The following LZTS1 variants were observed in gnomAD, a reference collection of about 807,000 sequenced individuals.
LZTS1 encodes leucine zipper tumor suppressor 1.
In LZTS1, 31 loss-of-function variants were observed where a neutral mutation model predicts 45.8. The ratio of observed to expected loss-of-function variants is 0.68; its 90% CI spans 0.51 to 0.91. The LOEUF is 0.91. Among genes scored for constraint, LZTS1 ranks in the 40% least tolerant of loss-of-function variants. The probability of loss-of-function intolerance (pLI) is 0.00; values close to 1 mark genes in which losing one functional copy is unlikely to be tolerated. For missense variants in LZTS1, 821 were observed against 788.9 expected (o/e 1.04, Z -0.49); for synonymous variants, 359 against 357.3 (o/e 1.00, Z -0.05).
chr8:20,293,135 G>T (rs1585303850), intron 1 of LZTS1, among the ~76,000 whole-genome samples: 2 of 152,114 alleles, frequency 1.3e-5, no homozygotes, highest in East Asian at 1.9e-4. Flanking sequence ...TCTAATAATG[G>T]TATTTCTAGA....
At chr8:20,293,956 TAAAAAGA>T (rs1255162908) in intron 1 of LZTS1, among the ~76,000 whole-genome samples, 1 of 151,494 alleles carries the variant, frequency 6.6e-6, no homozygotes, top group Non-Finnish European at 1.5e-5. Flanking sequence ...ATAAATAAAA[TAAAAAGA>T]AAAAAGAAAA....
chr8:20,251,571 G>C (rs779730135), intron 3 of LZTS1, among the ~76,000 whole-genome samples: 9 of 152,188 alleles, frequency 5.9e-5, no homozygotes, highest in Non-Finnish European at 1.0e-4. Flanking sequence ...CCAAGATCCA[G>C]AGACACATGG....
chr8:20,297,698 G>A (rs1001000257), intron 1 of LZTS1, among the ~76,000 whole-genome samples: 7 of 152,172 alleles, frequency 4.6e-5, no homozygotes, highest in Admixed American at 4.6e-4. Flanking sequence ...TTACAGGCAT[G>A]AGCCATCACG....
At chr8:20,278,821 G>T (rs966407182) in intron 1 of LZTS1, among the ~76,000 whole-genome samples, 3 of 152,074 alleles carry the variant, frequency 2.0e-5, no homozygotes, top group African/African-American at 7.3e-5. Context: ...CTAAAACACA[G>T]ACTTGACAGC....
At position 20,275,324 on chromosome 8, in the gene LZTS1, C is replaced by T. The variant is rs573828767; in HGVS notation, c.-134-20009G>A. On this transcript the variant is annotated intron_variant, in intron 1 of 3. Coordinates refer to ENST00000381569, the MANE Select transcript of LZTS1 (RefSeq NM_021020.5). ...TGCTGAGGCAGGAGAATCACTTGAA[C>T]CCGGGAGGCAGAGGTTGCAGTAAGC... 1.9e-3 allele frequency among the ~76,000 whole-genome samples: 269 copies of T among 139,112 alleles called. 2 individuals carry two copies. The highest frequency in any genetic ancestry group is 6.7e-3 in the African/African-American group (250 of 37,546). 91.3% of individuals were successfully genotyped at this position (139,112 alleles called of 152,430 possible).
chr8:20,265,262 C>G (rs1800323918), intron 1 of LZTS1, among the ~76,000 whole-genome samples: 1 of 152,154 alleles, frequency 6.6e-6, no homozygotes, highest in Non-Finnish European at 1.5e-5. Context: ...TCTGTGCAAC[C>G]TGGAGCACTT....
chr8:20,253,199 C>T lies in LZTS1; in HGVS notation c.732G>A (p.Lys244=), dbSNP rs372820162. The T allele has an allele frequency of 1.9e-6, 3 of 1,613,638 alleles. No homozygotes were observed. Among genetic ancestry groups the T allele is most frequent in the Non-Finnish European group, 1.7e-6 (2 of 1,180,052 alleles). ...DGGSKLGHSN[K]ADKGPSCVRS... is the part of the protein sequence containing the mutation. Reference sequence around the variant, plus strand: ...GGACACACGAGGGGCCCTTGTCTGCCTTGTTCGAGTGGCCCAGCTTGCTAC... The same window carrying T: ...GGACACACGAGGGGCCCTTGTCTGCTTTGTTCGAGTGGCCCAGCTTGCTAC... The change falls in exon 3 of 4, where the codon AAG becomes AAA. Residue 244 remains lysine (K), a synonymous_variant. Transcript: ENST00000381569.
At chr8:20,299,614 T>C (rs924333223) in intron 1 of LZTS1, among the ~76,000 whole-genome samples, 1 of 152,228 alleles carries the variant, frequency 6.6e-6, no homozygotes, top group East Asian at 1.9e-4. Flanking sequence ...TGATCAATGA[T>C]CTTTAAAAGA....
intron 1 of LZTS1, among the ~76,000 whole-genome samples, chr8:20,260,264 T>A (rs1172872675): frequency 6.6e-6 from 1 of 152,232 alleles, no homozygotes; most frequent in Non-Finnish European, 1.5e-5. Context: ...AGTCTCACTC[T>A]GTCACCCAGG....
rs367694007 is a variant in LZTS1, at chr8:20,249,964, C to T, written c.1549G>A (p.Gly517Ser). The change falls in exon 4 of 4, where the codon GGC becomes AGC. Residue 517 changes from glycine (G) to serine (S), a missense_variant. Gly to Ser is a moderately conservative substitution (Grantham distance 56). Coordinates refer to ENST00000381569, the MANE Select transcript of LZTS1 (RefSeq NM_021020.5). ...LRAELREERQGHDQMSSGFQH... is the reference protein window; with the variant it reads ...LRAELREERQSHDQMSSGFQH... ...AAGCCCGAGGACATCTGGTCATGGCCTTGCCGCTCCTCCCGCAGCTCGGCC... is the reference window on the plus strand; with the variant it reads ...AAGCCCGAGGACATCTGGTCATGGCTTTGCCGCTCCTCCCGCAGCTCGGCC... 34 of 1,613,928 alleles carry T rather than the reference C, an allele frequency of 2.1e-5. No homozygotes were observed. The highest frequency in any genetic ancestry group is 2.9e-5 in the Non-Finnish European group (34 of 1,179,974).
intron 1 of LZTS1, among the ~76,000 whole-genome samples, chr8:20,269,403 G>T (rs924521420): frequency 6.6e-6 from 1 of 152,228 alleles, no homozygotes; most frequent in Non-Finnish European, 1.5e-5. Context: ...CTGGAGGCCA[G>T]CATGTTGGGG....
At chr8:20,281,415 A>G (rs1800690214) in intron 1 of LZTS1, among the ~76,000 whole-genome samples, 1 of 152,086 alleles carries the variant, frequency 6.6e-6, no homozygotes, top group African/African-American at 2.4e-5. Flanking sequence ...CAAAAAAAAA[A>G]AAAAAAAATT....
rs1366463659 is a variant in LZTS1 at position 20,248,007 on chromosome 8, GA to G, written c.*1714del. On this transcript the variant is annotated 3_prime_UTR_variant, in exon 4 of 4. Coordinates refer to ENST00000381569, the MANE Select transcript of LZTS1 (RefSeq NM_021020.5). ...TCTGAAAAGACAAGAAAGCAAAAAAGAAAAAGAAAGAAGAATAAAAGAAAAA... is the reference window on the plus strand; with the variant it reads ...TCTGAAAAGACAAGAAAGCAAAAAAGAAAAGAAAGAAGAATAAAAGAAAAA... 2.0e-5 allele frequency: 3 copies of G among 152,598 alleles called. No homozygotes were observed. The highest frequency in any genetic ancestry group is 4.4e-5 in the Non-Finnish European group (3 of 68,082). 9.5% of individuals were successfully genotyped at this position (152,598 alleles called of 1,614,324 possible). A position where few individuals can be genotyped will look rare whatever the true frequency, so the allele number is the denominator to read the frequency against.
intron 1 of LZTS1, among the ~76,000 whole-genome samples, chr8:20,263,205 G>T (rs559779437): frequency 6.6e-6 from 1 of 152,242 alleles, no homozygotes; most frequent in East Asian, 1.9e-4. Flanking sequence ...CCTACCCCAC[G>T]ACCGCCTTGA....
chr8:20,251,222 T>C (rs1320758037), intron 3 of LZTS1, among the ~76,000 whole-genome samples: 3 of 149,706 alleles, frequency 2.0e-5, no homozygotes, highest in Admixed American at 6.7e-5. Flanking sequence ...CCATGGCTAA[T>C]GTATTTACAA....
chr8:20,270,326 C>T (rs1306528131), intron 1 of LZTS1, among the ~76,000 whole-genome samples: 2 of 152,190 alleles, frequency 1.3e-5, no homozygotes, highest in African/African-American at 4.8e-5. Flanking sequence ...GCATTCTATG[C>T]TGAGAGGCGC....
chr8:20,302,681 A>C (rs1368319630), intron 1 of LZTS1, among the ~76,000 whole-genome samples: 1 of 152,142 alleles, frequency 6.6e-6, no homozygotes, highest in Non-Finnish European at 1.5e-5. Context: ...GTACTTTCCC[A>C]GCGCCCGGGA....
chr8:20,249,697 C>CA lies in LZTS1; in HGVS notation c.*24dup, dbSNP rs1169532800. On this transcript the variant is annotated 3_prime_UTR_variant, in exon 4 of 4. Transcript: ENST00000381569. ...GCCCTGCCTCCCAGTGCCAGGTCCC[C>CA]AGACTCGCCTTCCCAGGCAGCCCCT... 7 of 1,578,074 alleles carry CA rather than the reference C, an allele frequency of 4.4e-6. No individual in the cohort carries two copies. The highest frequency in any genetic ancestry group is 2.7e-5 in the African/African-American group (2 of 74,478).
chr8:20,299,248 C>A (rs184780326), intron 1 of LZTS1, among the ~76,000 whole-genome samples: 36 of 152,330 alleles, frequency 2.4e-4, no homozygotes, highest in South Asian at 4.1e-4. Flanking sequence ...GAACTTGGCT[C>A]CTGCTTCGCT....
Sources: allele counts gnomAD v4.1 joint callset (sites outside exome capture counted in the v4.1 genomes callset), GRCh38; gene constraint gnomAD v4.1.1; transcripts MANE v1.5; gene names NCBI Gene and HGNC (gene_info 2026-07-23, HGNC 2026-07-21).